TBC1D31: variants seen among roughly 807,000 people sequenced by gnomAD.
TBC1D31 encodes WD repeat domain 67.
In TBC1D31, 99 loss-of-function variants were observed where a neutral mutation model predicts 132.9. That is an observed-to-expected ratio of 0.74 (90% CI 0.63 to 0.88). TBC1D31 has a LOEUF of 0.88. Ranked by LOEUF, TBC1D31 falls within the 40% of genes least tolerant of loss-of-function variation. The probability of loss-of-function intolerance (pLI) is 0.00; values close to 1 mark genes in which losing one functional copy is unlikely to be tolerated. For synonymous variants in TBC1D31, 385 were observed against 419.4 expected, an observed-to-expected ratio of 0.92 and a Z score of 1.00; for missense variants, 1,134 against 1,256.6, an observed-to-expected ratio of 0.90 and a Z score of 1.48.
rs747793801 is a variant in TBC1D31 at position 123,093,714 on chromosome 8, A to G, written c.643A>G (p.Ile215Val). 4.4e-6 allele frequency: 7 copies of G among 1,605,064 alleles called. No homozygotes were observed. The East Asian group carries it at 6.7e-5, about 15-fold the overall frequency. ...QLPAPPESSSILYKVFAVTRD... is the reference protein window; with the variant it reads ...QLPAPPESSSVLYKVFAVTRD... ...GCCAGCTCCACCTGAAAGCTCTAGT[A>G]TATTATACAAAGTGTTTGCTGTAAC... The change falls in exon 5 of 22, where the codon ATA (isoleucine) becomes GTA (valine). Residue 215 changes from isoleucine (I) to valine (V), a missense_variant. By Grantham distance (29) the Ile-to-Val change is conservative. Transcript: ENST00000287380.
At chr8:123,128,622 G>T (rs1586695705) in intron 14 of TBC1D31, 109 bp downstream of exon 14, 1 of 838,278 alleles carries the variant, frequency 1.2e-6, no homozygotes, top group South Asian at 1.8e-5. Context: ...CACGCCTATA[G>T]TCCCAGCACT....
intron 1 of TBC1D31, among the ~76,000 whole-genome samples, chr8:123,075,713 AT>A (rs770572433): frequency 2.3e-4 from 35 of 152,266 alleles, no homozygotes; most frequent in African/African-American, 6.3e-4. Context: ...AAAAAAAAAA[AT>A]AAAACAAAAT....
chr8:123,130,653 G>T (rs1441971353), intron 16 of TBC1D31, among the ~76,000 whole-genome samples: 7 of 130,390 alleles, frequency 5.4e-5, no homozygotes, highest in Admixed American at 8.4e-5. Context: ...ACAGAGTCTT[G>T]CTCTGTTGCC....
chr8:123,086,185 G>A (rs1396416111), intron 4 of TBC1D31, among the ~76,000 whole-genome samples: 1 of 145,194 alleles, frequency 6.9e-6, no homozygotes, highest in Non-Finnish European at 1.5e-5. Context: ...TTTCCACGCT[G>A]CTACCCCTCC....
chr8:123,133,365 A>G (rs1820800840), intron 16 of TBC1D31, among the ~76,000 whole-genome samples: 1 of 152,142 alleles, frequency 6.6e-6, no homozygotes, highest in Admixed American at 6.5e-5. Context: ...TCCTTTCCCA[A>G]TAACCTCTTT....
chr8:123,159,190 C>T, the TBC1D31 span, among the ~76,000 whole-genome samples: 1 of 150,802 alleles, frequency 6.6e-6, no homozygotes, highest in African/African-American at 2.4e-5. Context: ...TCGGGTGTAG[C>T]AGTCCCAGGA....
intron 11 of TBC1D31, among the ~76,000 whole-genome samples, chr8:123,120,582 G>T (rs565810807): frequency 6.6e-6 from 1 of 152,170 alleles, no homozygotes; most frequent in Non-Finnish European, 1.5e-5. Flanking sequence ...TGTGGCAGGA[G>T]AATCACTTGA....
chr8:123,131,813 G>A (rs1820663000), intron 16 of TBC1D31, among the ~76,000 whole-genome samples: 1 of 152,090 alleles, frequency 6.6e-6, no homozygotes, highest in East Asian at 1.9e-4. Flanking sequence ...CAATTGTACT[G>A]CATCAGTCTT....
chr8:123,151,187 A>G (rs765468890), intron 21 of TBC1D31, among the ~76,000 whole-genome samples: 8 of 152,216 alleles, frequency 5.3e-5, no homozygotes, highest in Non-Finnish European at 8.8e-5. Flanking sequence ...TTTCTTTGGG[A>G]GGAAAAACAG....
intron 16 of TBC1D31, among the ~76,000 whole-genome samples, chr8:123,131,477 C>T (rs1820622245): frequency 6.7e-6 from 1 of 149,016 alleles, no homozygotes; most frequent in East Asian, 2.0e-4. Context: ...TGGGATTATT[C>T]TCATTATACA....
chr8:123,096,383 T>C (rs117466971), intron 5 of TBC1D31, among the ~76,000 whole-genome samples: 2,296 of 152,334 alleles, frequency 0.015, 33 homozygotes, highest in Non-Finnish European at 0.025. Flanking sequence ...CTAACCTTAT[T>C]GCTTTTTCAG....
chr8:123,094,002 C>G (rs990663466), intron 5 of TBC1D31, among the ~76,000 whole-genome samples: 9 of 151,798 alleles, frequency 5.9e-5, no homozygotes, highest in Admixed American at 5.9e-4. Flanking sequence ...ACCAGCCTTT[C>G]CTCCATCAGA....
intron 11 of TBC1D31, among the ~76,000 whole-genome samples, chr8:123,122,822 T>A (rs374804071): frequency 1.7e-4 from 26 of 152,332 alleles, no homozygotes; most frequent in African/African-American, 6.0e-4. Context: ...ACCAAGGAAA[T>A]TGATTTTTCT....
chr8:123,083,162 GA>G (rs1229938274), intron 3 of TBC1D31: 2 of 178,478 alleles, frequency 1.1e-5, no homozygotes, highest in African/African-American at 4.8e-5. Context: ...TTCCAAAAGG[GA>G]AGCCTCCATT....
downstream of TBC1D31, among the ~76,000 whole-genome samples, chr8:123,156,215 C>A (rs1039801269): frequency 6.6e-6 from 1 of 152,004 alleles, no homozygotes; most frequent in African/African-American, 2.4e-5. Context: ...CCGAGGTGGG[C>A]GGATCACCTG....
chr8:123,130,067 T>C, intron 15 of TBC1D31, 131 bp from the exon 16 acceptor site: 1 of 918,820 alleles, frequency 1.1e-6, no homozygotes, highest in Non-Finnish European at 1.6e-6. Context: ...GTGGAGCAGT[T>C]CTCGCATTCT....
chr8:123,112,841 CT>C (rs1236804005), intron 10 of TBC1D31, among the ~76,000 whole-genome samples: 1 of 152,162 alleles, frequency 6.6e-6, no homozygotes, highest in Non-Finnish European at 1.5e-5. Context: ...AATTTGCTTA[CT>C]TTTTCTATTT....
chr8:123,092,631 C>T (rs1020255314), intron 4 of TBC1D31, among the ~76,000 whole-genome samples: 1 of 151,672 alleles, frequency 6.6e-6, no homozygotes, highest in Non-Finnish European at 1.5e-5. Context: ...TAGACAAACA[C>T]CCCATTTTGT....
chr8:123,073,528 G>C (rs1814148679), intron 1 of TBC1D31: 1 of 389,302 alleles, frequency 2.6e-6, no homozygotes, highest in African/African-American at 2.1e-5. Context: ...TGTCCTGTTT[G>C]AGGCTCAGCC....
Sources: gnomAD v4.1 joint callset for allele counts (sites outside exome capture counted in the v4.1 genomes callset) on GRCh38, gnomAD v4.1.1 for gene constraint, MANE v1.5 for transcripts, NCBI Gene and HGNC (gene_info 2026-07-23, HGNC 2026-07-21) for gene names.